LHCGR: variants seen among roughly 807,000 people sequenced by gnomAD.
LHCGR encodes luteinizing hormone/choriogonadotropin receptor.
LHCGR carries 55 observed loss-of-function variants against 60.7 expected under a neutral mutation model. The observed-to-expected ratio is 0.91, with a 90% CI of 0.73 to 1.13. The LOEUF is 1.13. Ranked by LOEUF, LHCGR falls within the 50% of genes most tolerant of loss-of-function variation. The pLI is 0.00. For synonymous variants in LHCGR, 337 were observed against 316.5 expected, an observed-to-expected ratio of 1.06 and a Z score of -0.69; for missense variants, 862 against 836.0, an observed-to-expected ratio of 1.03 and a Z score of -0.38.
chr2:48,746,573 C>T (rs745790719), intron 1 of LHCGR, among the ~76,000 whole-genome samples: 3 of 152,130 alleles, frequency 2.0e-5, no homozygotes, highest in Admixed American at 6.5e-5. Context: ...ACAGCCATTC[C>T]GCAGCACCCA....
intron 1 of LHCGR, among the ~76,000 whole-genome samples, chr2:48,752,310 C>G (rs1000152885): frequency 5.3e-5 from 8 of 151,996 alleles, no homozygotes; most frequent in African/African-American, 1.7e-4. Context: ...GGATGGAGGT[C>G]TTAGAAGGTA....
intron 6 of LHCGR, among the ~76,000 whole-genome samples, chr2:48,717,540 A>ATCT (rs916805980): frequency 1.6e-4 from 20 of 126,184 alleles, no homozygotes; most frequent in African/African-American, 5.5e-4. Flanking sequence ...TAATGTGTTG[A>ATCT]TCTTATTATT....
rs1036322887 is a variant in LHCGR, at chr2:48,743,112, T to G, written c.162-11814A>C. ...ATCTAGAAGAAATGGATAAATTCCT[T>G]GACACATACACTTTTCCAAGACTAA... On this transcript the variant is annotated intron_variant, in intron 1 of 10. Transcript: ENST00000294954. Among the ~76,000 whole-genome samples the G allele has an allele frequency of 4.6e-5, 7 of 152,322 alleles. 1 individual carries two copies. Among genetic ancestry groups the G allele is most frequent in the African/African-American group, 1.4e-4 (6 of 41,576 alleles).
chr2:48,721,813 G>A (rs1234078654), intron 6 of LHCGR: 2 of 470,492 alleles, frequency 4.3e-6, no homozygotes, highest in Admixed American at 4.7e-5. Context: ...AGAGGGATAT[G>A]GATTTTAGGA....
chr2:48,694,455 G>A (rs1667019364), intron 9 of LHCGR, 151 bp from the exon 10 acceptor site: 6 of 653,578 alleles, frequency 9.2e-6, no homozygotes, highest in Non-Finnish European at 1.7e-5. Flanking sequence ...AATGCTTCCT[G>A]AGGAGAGAGT....
intron 7 of LHCGR, among the ~76,000 whole-genome samples, chr2:48,711,379 C>T (rs1001929486): frequency 6.6e-6 from 1 of 152,206 alleles, no homozygotes; most frequent in African/African-American, 2.4e-5. Flanking sequence ...TCTACCATTG[C>T]AGACTCAGTA....
At chr2:48,733,203 G>C in intron 1 of LHCGR, 2 of 282,606 alleles carry the variant, frequency 7.1e-6, no homozygotes, top group South Asian at 7.2e-5. Flanking sequence ...ACATATTTTG[G>C]AGAGTGTTTA....
intron 8 of LHCGR, among the ~76,000 whole-genome samples, chr2:48,707,176 G>C (rs1667726790): frequency 2.0e-5 from 3 of 152,214 alleles, no homozygotes; most frequent in Admixed American, 2.0e-4. Flanking sequence ...GTTGGAGTTT[G>C]CTGGAGATCC....
chr2:48,692,795 G>GCTAT (rs2104374554), intron 10 of LHCGR, among the ~76,000 whole-genome samples: 1 of 152,318 alleles, frequency 6.6e-6, no homozygotes, highest in Non-Finnish European at 1.5e-5. Context: ...CTGAGGAATG[G>GCTAT]CTATCTGGTG....
At chr2:48,703,433 T>C (rs971260601) in intron 8 of LHCGR, among the ~76,000 whole-genome samples, 2 of 152,242 alleles carry the variant, frequency 1.3e-5, no homozygotes, top group South Asian at 2.1e-4. Context: ...TTAATCCATC[T>C]TGAGTTAATT....
intron 1 of LHCGR, among the ~76,000 whole-genome samples, chr2:48,741,633 G>A (rs1669458316): frequency 1.3e-5 from 2 of 151,342 alleles, no homozygotes; most frequent in South Asian, 4.2e-4. Flanking sequence ...TTACAGACAA[G>A]CAAATGCTGA....
At chr2:48,732,927 C>G (rs1669061852) in intron 1 of LHCGR, 1 of 534,518 alleles carries the variant, frequency 1.9e-6, no homozygotes, top group Non-Finnish European at 3.8e-6. Flanking sequence ...AACACCTAAA[C>G]TCATTTAACA....
intron 1 of LHCGR, among the ~76,000 whole-genome samples, chr2:48,754,162 A>T (rs1185808294): frequency 6.6e-6 from 1 of 152,220 alleles, no homozygotes; most frequent in Non-Finnish European, 1.5e-5. Context: ...CTGACAAGAT[A>T]ATTAATGGAA....
chr2:48,731,020 A>G (rs548849262), intron 2 of LHCGR, among the ~76,000 whole-genome samples: 7 of 152,262 alleles, frequency 4.6e-5, no homozygotes, highest in Admixed American at 1.3e-4. Flanking sequence ...AGCAAGGTTA[A>G]TTATCTGTAT....
intron 8 of LHCGR, among the ~76,000 whole-genome samples, chr2:48,702,347 T>A (rs1048932451): frequency 1.3e-5 from 2 of 151,988 alleles, no homozygotes; most frequent in African/African-American, 4.8e-5. Context: ...ATATGCCACG[T>A]TGGTTTGCTG....
chr2:48,714,803 A>G (rs1668167721), intron 6 of LHCGR, among the ~76,000 whole-genome samples: 2 of 152,110 alleles, frequency 1.3e-5, no homozygotes, highest in African/African-American at 2.4e-5. Flanking sequence ...ACATAAGAGG[A>G]TCCTTAGAAC....
chr2:48,698,855 T>A lies in LHCGR; in HGVS notation c.681-55A>T, dbSNP rs1016278868. On this transcript the variant is annotated intron_variant, in intron 8 of 10. Coordinates refer to ENST00000294954, the MANE Select transcript of LHCGR (RefSeq NM_000233.4). ...ATTTATTTATTTTATACATTTTTTT[T>A]TTTTGAGACGGAGTCTTGCTCCGTC... 145 of 1,470,742 alleles carry A rather than the reference T, an allele frequency of 9.9e-5. 1 individual carries two copies. In the African/African-American group the frequency reaches 1.7e-3, roughly 17 times the overall value. 91.1% of individuals were successfully genotyped at this position (1,470,742 alleles called of 1,614,324 possible).
intron 7 of LHCGR, among the ~76,000 whole-genome samples, chr2:48,709,521 T>C (rs1411994595): frequency 6.6e-6 from 1 of 152,236 alleles, no homozygotes; most frequent in Non-Finnish European, 1.5e-5. Context: ...GTAATTTGCA[T>C]TCTTTTTCTT....
chr2:48,724,392 A>G (rs1029705953), intron 4 of LHCGR, among the ~76,000 whole-genome samples: 1 of 152,160 alleles, frequency 6.6e-6, no homozygotes, highest in Non-Finnish European at 1.5e-5. Context: ...TCCCCACTGG[A>G]GTTTTAGATT....
Sources: allele counts gnomAD v4.1 joint callset (sites outside exome capture counted in the v4.1 genomes callset), GRCh38; gene constraint gnomAD v4.1.1; transcripts MANE v1.5; gene names NCBI Gene and HGNC (gene_info 2026-07-23, HGNC 2026-07-21).